Variants in TMEM169 observed in about 807,000 individuals in gnomAD.
The protein encoded by TMEM169 is transmembrane protein 169.
TMEM169 carries 18 observed loss-of-function variants against 27.3 expected under a neutral mutation model. The ratio of observed to expected loss-of-function variants is 0.66; its 90% CI spans 0.46 to 0.98. The LOEUF is 0.98. Among genes scored for constraint, TMEM169 ranks in the 50% least tolerant of loss-of-function variants. The pLI, the probability that TMEM169 is intolerant of heterozygous loss-of-function variation, is 0.00. For synonymous variants in TMEM169, 136 were observed against 142.1 expected, an observed-to-expected ratio of 0.96 and a Z score of 0.30; for missense variants, 320 against 368.6, an observed-to-expected ratio of 0.87 and a Z score of 1.08.
chr2:216,089,003 G>A (rs1374285452), intron 1 of TMEM169, among the ~76,000 whole-genome samples: 2 of 152,206 alleles, frequency 1.3e-5, no homozygotes, highest in African/African-American at 2.4e-5. Flanking sequence ...CTACAGCTGT[G>A]TGCAGGAAGG....
In TMEM169 at chr2:216,096,194, G is replaced by C; in HGVS notation, c.231G>C (p.Glu77Asp). ...GESEGGDQPK[E>D]EEGDDFLDYP... ...CAGAAGGTGGAGATCAGCCTAAAGA[G>C]GAGGAGGGAGATGATTTCCTAGACT... The change falls in exon 2 of 3, where the codon GAG (glutamate) becomes GAC (aspartate). Residue 77 changes from glutamate to aspartate, a missense_variant. By Grantham distance (45) the Glu-to-Asp change is conservative. Transcript: ENST00000437356. 6.2e-7 allele frequency: 1 copy of C among 1,614,164 alleles called. No homozygotes were observed. Among genetic ancestry groups the C allele is most frequent in the Non-Finnish European group, 8.5e-7 (1 of 1,180,010 alleles).
At position 216,099,605 on chromosome 2, in the gene TMEM169, C is replaced by T. The variant is rs73056596; in HGVS notation, c.272-315C>T. Among the ~76,000 whole-genome samples the T allele has an allele frequency of 9.5e-3, 1,448 of 152,178 alleles. 19 individuals are homozygous for T. Among genetic ancestry groups the T allele is most frequent in the African/African-American group, 0.033 (1,359 of 41,482 alleles). On this transcript the variant is annotated intron_variant, in intron 2 of 2. Transcript: ENST00000437356. This position sits in a 1 kb window ranked among gnomAD's most constrained non-coding sequence, Gnocchi z 5.0. ...CATGTCTGTATCAAAGTTCGTCACA[C>T]TCCTCCGTGCCACAGAGATTGTGCC...
In TMEM169 at chr2:216,096,058, A is replaced by T; in HGVS notation, c.95A>T (p.Asp32Val). 3 of 1,614,224 alleles carry T rather than the reference A, an allele frequency of 1.9e-6. No individual in the cohort carries two copies. Among genetic ancestry groups the T allele is most frequent in the Non-Finnish European group, 2.5e-6 (3 of 1,180,038 alleles). Residue 32 changes from aspartate (D) to valine (V), a missense_variant, in exon 2 of 3, where the codon GAT (aspartate) becomes GTT (valine). Physicochemically the swap from Asp to Val is radical, Grantham distance 152. Coordinates refer to ENST00000437356, the MANE Select transcript of TMEM169 (RefSeq NM_001142311.2). ...GCTGTGGCTGCTGCCCTGGCGCTGG[A>T]TGGGGAATCCACAATGGGGCACAGG... ...RKAVAAALAL[D>V]GESTMGHRKK...
intron 1 of TMEM169, among the ~76,000 whole-genome samples, chr2:216,085,177 A>G (rs915517988): frequency 2.0e-5 from 3 of 152,112 alleles, no homozygotes; most frequent in African/African-American, 7.2e-5. Context: ...TTATGTTTTA[A>G]AAAGATGTTT....
intron 1 of TMEM169, among the ~76,000 whole-genome samples, chr2:216,094,262 G>A (rs763570900): frequency 5.9e-5 from 9 of 152,182 alleles, no homozygotes; most frequent in Non-Finnish European, 8.8e-5. Context: ...GGAATTTTTT[G>A]GTAAATCGCT....
intron 1 of TMEM169, among the ~76,000 whole-genome samples, chr2:216,084,462 C>T (rs551480354): frequency 2.6e-5 from 4 of 152,328 alleles, no homozygotes; most frequent in South Asian, 2.1e-4. Flanking sequence ...CCACTTCACC[C>T]AGTCACTTAA....
intron 1 of TMEM169, among the ~76,000 whole-genome samples, chr2:216,089,924 T>A (rs1417559470): frequency 6.6e-6 from 1 of 152,212 alleles, no homozygotes; most frequent in Non-Finnish European, 1.5e-5. Flanking sequence ...TAAGAGAACA[T>A]CTATAAAGAG....
intron 2 of TMEM169, among the ~76,000 whole-genome samples, chr2:216,097,024 TAGTGAA>T (rs1696279431): frequency 6.6e-6 from 1 of 152,190 alleles, no homozygotes; most frequent in African/African-American, 2.4e-5. Flanking sequence ...TCATGCACCT[TAGTGAA>T]AGTGGAAGCC....
In TMEM169 at chr2:216,100,263, G is replaced by T. The variant is rs182905932; in HGVS notation, c.615G>T (p.Ser205=). 3.1e-6 allele frequency: 5 copies of T among 1,613,710 alleles called. No individual in the cohort carries two copies. The Admixed American group carries it at 5.0e-5, about 16-fold the overall frequency. ...AAAGGACCTTCTGGCACAAGATCTCGTATTGCCCTTGCCTCGTTCTCTTCT... is the reference window on the plus strand; with the variant it reads ...AAAGGACCTTCTGGCACAAGATCTCTTATTGCCCTTGCCTCGTTCTCTTCT... ...NEERTFWHKI[S]YCPCLVLFYP... Residue 205 remains serine, a synonymous_variant, in exon 3 of 3, where the codon TCG becomes TCT. Coordinates refer to ENST00000437356, the MANE Select transcript of TMEM169 (RefSeq NM_001142311.2).
In TMEM169 at chr2:216,095,871, C is replaced by A; in HGVS notation, c.-93C>A. 7.0e-7 allele frequency: 1 copy of A among 1,435,328 alleles called. No individual in the cohort carries two copies. Among genetic ancestry groups the A allele is most frequent in the Non-Finnish European group, 9.4e-7 (1 of 1,066,820 alleles). 88.9% of individuals were successfully genotyped at this position (1,435,328 alleles called of 1,614,324 possible). A position where few individuals can be genotyped will look rare whatever the true frequency, so the allele number is the denominator to read the frequency against. On this transcript the variant is annotated 5_prime_UTR_variant, in exon 2 of 3. Coordinates refer to ENST00000437356, the MANE Select transcript of TMEM169 (RefSeq NM_001142311.2). ...CATCCTTGGGACATCTTTGCATAGC[C>A]CCATCTAGGAAGAAGTTCTGTGATG...
chr2:216,088,552 G>GATATTTATT (rs2105980690), intron 1 of TMEM169, among the ~76,000 whole-genome samples: 1 of 152,194 alleles, frequency 6.6e-6, no homozygotes, highest in South Asian at 2.1e-4. Context: ...AATATTTACT[G>GATATTTATT]AAGCTGGGCA....
At chr2:216,091,556 CAAAAAAAAAA>C (rs35975278) in intron 1 of TMEM169, among the ~76,000 whole-genome samples, 1 of 80,346 alleles carries the variant, frequency 1.2e-5, no homozygotes. Flanking sequence ...GACTCCATCT[CAAAAAAAAAA>C]AAAAAAAAAA....
chr2:216,099,912 C>T lies in TMEM169; in HGVS notation c.272-8C>T, dbSNP rs766311831. 3.7e-6 allele frequency: 6 copies of T among 1,606,574 alleles called. No individual in the cohort carries two copies. Among genetic ancestry groups the T allele is most frequent in the Middle Eastern group, 1.7e-4 (1 of 5,850 alleles). ...GATCTTGACTCTCACCTCCTTTGTA[C>T]CCTGCAGATATGTGGAACCTGCCTC... On this transcript the variant is annotated splice_region_variant and splice_polypyrimidine_tract_variant and intron_variant, in intron 2 of 2. Coordinates refer to ENST00000437356, the MANE Select transcript of TMEM169 (RefSeq NM_001142311.2). The surrounding 1 kb of genome is among the most constrained non-coding windows in gnomAD (Gnocchi z 5.0).
Position 216,100,391 on chromosome 2 carries a change from T to C in TMEM169, c.743T>C (p.Met248Thr), listed in dbSNP as rs1696368891. 5.0e-6 allele frequency: 8 copies of C among 1,613,984 alleles called. No homozygotes were observed. Among genetic ancestry groups the C allele is most frequent in the Non-Finnish European group, 5.9e-6 (7 of 1,180,020 alleles). Residue 248 changes from methionine (M) to threonine (T), a missense_variant, in exon 3 of 3, where the codon ATG becomes ACG. Coordinates refer to ENST00000437356, the MANE Select transcript of TMEM169 (RefSeq NM_001142311.2). The part of the protein sequence containing the change: ...WEAWWQAARD[M>T]EKGFCGWLCS... Reference sequence around the variant, plus strand: ...GCATGGTGGCAAGCTGCCCGGGACATGGAGAAAGGCTTCTGTGGCTGGCTC... The same window carrying C: ...GCATGGTGGCAAGCTGCCCGGGACACGGAGAAAGGCTTCTGTGGCTGGCTC...
Position 216,100,696 on chromosome 2 carries a change from A to T in TMEM169, c.*154A>T. On this transcript the variant is annotated 3_prime_UTR_variant, in exon 3 of 3. Coordinates refer to ENST00000437356, the MANE Select transcript of TMEM169 (RefSeq NM_001142311.2). ...TCAGTTTTACCATCTTGAGGGTTCC[A>T]GGAGGGCATGGAGCAGACAAGCAAT... The T allele has an allele frequency of 9.5e-7, 1 of 1,054,140 alleles. No homozygotes were observed. Among genetic ancestry groups the T allele is most frequent in the Non-Finnish European group, 1.4e-6 (1 of 740,110 alleles). 65.3% of individuals were successfully genotyped at this position (1,054,140 alleles called of 1,614,324 possible). A position where few individuals can be genotyped will look rare whatever the true frequency, so the allele number is the denominator to read the frequency against.
chr2:216,084,066 TGG>T (rs1225032494), intron 1 of TMEM169, among the ~76,000 whole-genome samples: 1 of 152,176 alleles, frequency 6.6e-6, no homozygotes, highest in Non-Finnish European at 1.5e-5. Flanking sequence ...CTCTTTGTCC[TGG>T]GGAAAAAGGC....
chr2:216,095,520 G>A (rs1208757579), intron 1 of TMEM169, among the ~76,000 whole-genome samples: 1 of 152,076 alleles, frequency 6.6e-6, no homozygotes, highest in Non-Finnish European at 1.5e-5. Flanking sequence ...AACTACTTAT[G>A]TATATAAAAT....
chr2:216,092,584 G>T (rs1448470730), intron 1 of TMEM169, among the ~76,000 whole-genome samples: 1 of 152,188 alleles, frequency 6.6e-6, no homozygotes, highest in Admixed American at 6.5e-5. Context: ...TATGAGATTT[G>T]CAACTTGCCT....
In TMEM169 at chr2:216,095,938, A is replaced by G. The variant is rs1696251572; in HGVS notation, c.-26A>G. 19 of 1,595,600 alleles carry G rather than the reference A, an allele frequency of 1.2e-5. No homozygotes were observed. Among genetic ancestry groups the G allele is most frequent in the Non-Finnish European group, 1.6e-5 (19 of 1,171,990 alleles). ...ACTCAAACAAGTCCAACTCTTTATA[A>G]GACATAGGTAGACGTCAGGTCTGGA... is the stretch of plus-strand genomic sequence containing the variant. On this transcript the variant is annotated 5_prime_UTR_variant, in exon 2 of 3. Transcript: ENST00000437356.
Sources: gnomAD v4.1 joint callset for allele counts (sites outside exome capture counted in the v4.1 genomes callset) on GRCh38, gnomAD v4.1.1 for gene constraint, Gnocchi (gnomAD v3.1) non-coding constraint, MANE v1.5 for transcripts, NCBI Gene and HGNC (gene_info 2026-07-23, HGNC 2026-07-21) for gene names.